The following TNRC6B variants were observed in gnomAD, a reference collection of about 807,000 sequenced individuals.
The protein encoded by TNRC6B is trinucleotide repeat-containing gene 6B protein.
A neutral mutation model predicts 203.6 loss-of-function variants in TNRC6B; 52 were observed. The ratio of observed to expected loss-of-function variants is 0.26; its 90% CI spans 0.20 to 0.32. The LOEUF (loss-of-function observed/expected upper bound fraction) is 0.32. TNRC6B is among the 10% of genes least tolerant of loss of function. The pLI, the probability that TNRC6B is intolerant of heterozygous loss-of-function variation, is 1.00. For synonymous variants in TNRC6B, 838 were observed against 845.7 expected (o/e 0.99, Z 0.16); for missense variants, 1,923 against 2,286.2 (o/e 0.84, Z 3.24).
intron 3 of TNRC6B, among the ~76,000 whole-genome samples, chr22:40,146,969 T>A (rs2068700610): frequency 7.0e-6 from 1 of 143,362 alleles, no homozygotes; most frequent in African/African-American, 3.0e-5. Flanking sequence ...GCAGAGATTT[T>A]CAAAAGGGTG....
chr22:40,075,370 T>A (rs959596254), intron 1 of TNRC6B, among the ~76,000 whole-genome samples: 2 of 151,634 alleles, frequency 1.3e-5, no homozygotes, highest in Non-Finnish European at 2.9e-5. Flanking sequence ...TTTAGCCCTT[T>A]GTAATTATAG....
chr22:40,186,399 G>A (rs2069203208), intron 1 of TNRC6B, among the ~76,000 whole-genome samples: 1 of 152,070 alleles, frequency 6.6e-6, no homozygotes, highest in South Asian at 2.1e-4. Context: ...AGTAGGAACA[G>A]AATGCAAGCC....
chr22:40,291,700 T>C (rs1192523732), intron 12 of TNRC6B, among the ~76,000 whole-genome samples: 1 of 152,244 alleles, frequency 6.6e-6, no homozygotes, highest in African/African-American at 2.4e-5. Flanking sequence ...TAAATTGTTT[T>C]TAATTTTTCC....
chr22:40,310,291 T>G (rs1227141400), intron 16 of TNRC6B, among the ~76,000 whole-genome samples: 2 of 152,196 alleles, frequency 1.3e-5, no homozygotes, highest in Non-Finnish European at 2.9e-5. Flanking sequence ...CGTTGGAATT[T>G]AAAGCAATTG....
intron 3 of TNRC6B, among the ~76,000 whole-genome samples, chr22:40,142,896 C>T (rs56962426): frequency 0.039 from 5,862 of 152,168 alleles, 384 homozygotes; most frequent in African/African-American, 0.13. Context: ...TGAACCATGA[C>T]CTCTATGTCA....
rs2071423561 is a variant in TNRC6B, at chr22:40,327,943, C to T, written c.*4702C>T. 6.6e-6 allele frequency: 1 copy of T among 151,796 alleles called. No individual in the cohort carries two copies. The highest frequency in any genetic ancestry group is 2.4e-5 in the African/African-American group (1 of 41,286). 9.4% of individuals were successfully genotyped at this position (151,796 alleles called of 1,614,324 possible). On this transcript the variant is annotated 3_prime_UTR_variant, in exon 23 of 23. Coordinates refer to ENST00000454349, the MANE Select transcript of TNRC6B (RefSeq NM_001162501.2). ...CATCACAAACTTGGTTTCTACCTACCACACGAGTAGCCAAAAGAAAAGAAG... is the reference window on the plus strand; with the variant it reads ...CATCACAAACTTGGTTTCTACCTACTACACGAGTAGCCAAAAGAAAAGAAG...
At chr22:40,091,479 G>A (rs960245710) in intron 1 of TNRC6B, among the ~76,000 whole-genome samples, 11 of 151,578 alleles carry the variant, frequency 7.3e-5, no homozygotes, top group Middle Eastern at 6.8e-3. Context: ...AAAAAAAAAA[G>A]CACAGCAAAG....
chr22:40,287,875 T>C (rs2070809251), intron 12 of TNRC6B, among the ~76,000 whole-genome samples: 2 of 152,246 alleles, frequency 1.3e-5, no homozygotes, highest in East Asian at 3.9e-4. Context: ...TGTATAGAAA[T>C]GTTTAACAGA....
chr22:40,127,007 A>AT (rs1414977640), intron 3 of TNRC6B, among the ~76,000 whole-genome samples: 2 of 149,394 alleles, frequency 1.3e-5, no homozygotes, highest in Non-Finnish European at 3.0e-5. Flanking sequence ...GTATGTAAAT[A>AT]TATATAATAA....
At chr22:40,321,510 G>C (rs772458074) in intron 22 of TNRC6B, 42 of 327,096 alleles carry the variant, frequency 1.3e-4, no homozygotes, top group Non-Finnish European at 2.1e-4. Context: ...AGCTAGGGCC[G>C]GGCACAGTGG....
intron 3 of TNRC6B, among the ~76,000 whole-genome samples, chr22:40,258,101 T>TTTTTTTTTTTTTTTA (rs869114055): frequency 9.2e-6 from 1 of 108,414 alleles, no homozygotes; most frequent in Non-Finnish European, 1.8e-5. Context: ...TTTTTTTTTT[T>TTTTTTTTTTTTTTTA]ACCCCACAAT....
At position 40,315,284 on chromosome 22, in the gene TNRC6B, A is replaced by G; in HGVS notation, c.4680A>G (p.Ala1560=). ...NSFTNVHSTS[A]KFPDYKSTWS... ...TTCCTTAATTTTCTCTTCTTACAGC[A>G]AAGTTCCCTGATTACAAATCAACAT... is the stretch of plus-strand genomic sequence containing the variant. Residue 1560 remains alanine (A), a splice_region_variant and synonymous_variant, in exon 20 of 23, where the codon GCA becomes GCG. Coordinates refer to ENST00000454349, the MANE Select transcript of TNRC6B (RefSeq NM_001162501.2). The G allele has an allele frequency of 6.2e-7, 1 of 1,613,750 alleles. No homozygotes were observed. Among genetic ancestry groups the G allele is most frequent in the South Asian group, 1.1e-5 (1 of 91,078 alleles).
intron 3 of TNRC6B, chr22:40,156,067 G>C (rs1042274356): frequency 6.5e-7 from 1 of 1,529,880 alleles, no homozygotes; most frequent in African/African-American, 1.4e-5. Flanking sequence ...GGAGTGAGTC[G>C]CATTGTAGTT....
intron 8 of TNRC6B, among the ~76,000 whole-genome samples, chr22:40,277,777 T>C (rs1041505790): frequency 6.6e-6 from 1 of 152,242 alleles, no homozygotes; most frequent in Non-Finnish European, 1.5e-5. Flanking sequence ...TGTAGACTTA[T>C]TGAGACTAAT....
At chr22:40,059,031 A>C (rs1442042586) in intron 1 of TNRC6B, among the ~76,000 whole-genome samples, 1 of 152,094 alleles carries the variant, frequency 6.6e-6, no homozygotes, top group Non-Finnish European at 1.5e-5. Flanking sequence ...TGTTCCAGCC[A>C]AGTTCGTTTA....
At chr22:40,093,743 T>C (rs1327795634) in intron 1 of TNRC6B, among the ~76,000 whole-genome samples, 4 of 152,202 alleles carry the variant, frequency 2.6e-5, no homozygotes, top group Admixed American at 6.5e-5. Context: ...GCTTAAACTT[T>C]GGAGTCAGAT....
Position 40,264,956 on chromosome 22 carries a change from G to A in TNRC6B, c.726G>A (p.Gly242=). The change falls in exon 5 of 23, where the codon GGG becomes GGA. Residue 242 remains glycine, a synonymous_variant. Transcript: ENST00000454349. ...PGSTTSNKGK[G]SQCQSASSGN... ...GCACCACTAGTAACAAAGGAAAAGGGAGCCAGTGCCAGTCTGCAAGTTCTG... is the reference window on the plus strand; with the variant it reads ...GCACCACTAGTAACAAAGGAAAAGGAAGCCAGTGCCAGTCTGCAAGTTCTG... 6.2e-7 allele frequency: 1 copy of A among 1,613,952 alleles called. No individual in the cohort carries two copies. Among genetic ancestry groups the A allele is most frequent in the South Asian group, 1.1e-5 (1 of 91,074 alleles).
At chr22:40,151,283 G>A (rs2068750481) in intron 3 of TNRC6B, among the ~76,000 whole-genome samples, 1 of 151,884 alleles carries the variant, frequency 6.6e-6, no homozygotes, top group Non-Finnish European at 1.5e-5. Context: ...AAATAAATAG[G>A]CCAGGCACCG....
At chr22:40,299,179 A>C (rs1377850662) in intron 12 of TNRC6B, among the ~76,000 whole-genome samples, 1 of 150,748 alleles carries the variant, frequency 6.6e-6, no homozygotes, top group Non-Finnish European at 1.5e-5. Flanking sequence ...AAAAAACAAA[A>C]CTGGGGAGGC....
Sources: gnomAD v4.1 joint callset for allele counts (sites outside exome capture counted in the v4.1 genomes callset) on GRCh38, gnomAD v4.1.1 for gene constraint, MANE v1.5 for transcripts, NCBI Gene and HGNC (gene_info 2026-07-23, HGNC 2026-07-21) for gene names.